EFEMP1: variants seen among roughly 807,000 people sequenced by gnomAD.
EFEMP1 encodes EGF-containing fibulin-like extracellular matrix protein 1.
Under a neutral mutation model 65.7 loss-of-function variants are expected in EFEMP1, and 18 were observed. The ratio of observed to expected loss-of-function variants is 0.27; its 90% CI spans 0.19 to 0.41. The LOEUF (loss-of-function observed/expected upper bound fraction) is 0.41. Among genes scored for constraint, EFEMP1 ranks in the 10% least tolerant of loss-of-function variants. The pLI, the probability that EFEMP1 is intolerant of heterozygous loss-of-function variation, is 1.00. For missense variants in EFEMP1, 469 were observed against 624.8 expected (o/e 0.75, Z 2.66); for synonymous variants, 237 against 219.7 (o/e 1.08, Z -0.70).
chr2:55,900,079 G>C (rs552738974), intron 5 of EFEMP1, among the ~76,000 whole-genome samples: 1 of 152,290 alleles, frequency 6.6e-6, no homozygotes, highest in African/African-American at 2.4e-5. Context: ...GTTAAGTTCA[G>C]AAACCTACAA....
chr2:55,907,255 A>G (rs967481681), intron 5 of EFEMP1, among the ~76,000 whole-genome samples: 1 of 152,226 alleles, frequency 6.6e-6, no homozygotes, highest in African/African-American at 2.4e-5. Context: ...ATGTTTGTAC[A>G]TATGCATGTG....
intron 5 of EFEMP1, among the ~76,000 whole-genome samples, chr2:55,916,000 T>G: frequency 6.6e-6 from 1 of 152,082 alleles, no homozygotes; most frequent in African/African-American, 2.4e-5. Context: ...ATGCACCCTC[T>G]GAAAAGTGAC....
rs1312038218 is a variant in EFEMP1 at position 55,909,044 on chromosome 2, G to A, written c.517+8621C>T. Among the ~76,000 whole-genome samples the A allele has an allele frequency of 2.6e-5, 4 of 152,114 alleles. No individual in the cohort carries two copies. In the South Asian group the frequency reaches 8.3e-4, roughly 32 times the overall value. ...TCAAGTAGCATAAGCTTAAAACGGG[G>A]ACAAGGTATCTGAGACCTCCATGTT... On this transcript the variant is annotated intron_variant, in intron 5 of 11. Coordinates refer to ENST00000355426, the MANE Select transcript of EFEMP1 (RefSeq NM_001039348.3).
At chr2:55,900,497 G>C (rs1669990978) in intron 5 of EFEMP1, among the ~76,000 whole-genome samples, 2 of 152,174 alleles carry the variant, frequency 1.3e-5, no homozygotes, top group South Asian at 4.1e-4. Flanking sequence ...ATCTGGGGGA[G>C]AGTAAACTAA....
chr2:55,908,862 T>C (rs1480191695), intron 5 of EFEMP1, among the ~76,000 whole-genome samples: 1 of 152,168 alleles, frequency 6.6e-6, no homozygotes, highest in African/African-American at 2.4e-5. Context: ...CAGAAATGCA[T>C]TCCCTGGTTA....
At position 55,919,230 on chromosome 2, in the gene EFEMP1, A is replaced by G. The variant is rs954209997; in HGVS notation, c.82-963T>C. ...AGGTGGAGGATGAGGTTACAGAGGT[A>G]GGCAGGGCCAAAACAAGAAAGCCTT... On this transcript the variant is annotated intron_variant, in intron 3 of 11. Coordinates refer to ENST00000355426, the MANE Select transcript of EFEMP1 (RefSeq NM_001039348.3). The surrounding 1 kb of genome is among the most constrained non-coding windows in gnomAD (Gnocchi z 4.5). Among the ~76,000 whole-genome samples, 4 of 152,232 alleles carry G rather than the reference A, an allele frequency of 2.6e-5. No homozygotes were observed. The highest frequency in any genetic ancestry group is 9.6e-5 in the African/African-American group (4 of 41,464).
Position 55,878,356 on chromosome 2 carries a change from G to A in EFEMP1, c.641-491C>T, listed in dbSNP as rs543412345. Among the ~76,000 whole-genome samples the A allele has an allele frequency of 3.5e-4, 53 of 152,224 alleles. 1 individual carries two copies. The highest frequency in any genetic ancestry group is 8.4e-4 in the African/African-American group (35 of 41,550). The stretch of plus-strand genomic sequence containing the variant: ...AGGCTTGCCATGTGTATCTTAGGAC[G>A]TTTTTGTGTATCAAATAAAAGAACA... On this transcript the variant is annotated intron_variant, in intron 6 of 11. Coordinates refer to ENST00000355426, the MANE Select transcript of EFEMP1 (RefSeq NM_001039348.3).
intron 9 of EFEMP1, among the ~76,000 whole-genome samples, chr2:55,872,940 T>G (rs1252417681): frequency 6.6e-6 from 1 of 152,054 alleles, no homozygotes; most frequent in Non-Finnish European, 1.5e-5. Context: ...CTTCCATTAA[T>G]GTAGAGCCTA....
At chr2:55,897,914 T>C (rs1669889298) in intron 5 of EFEMP1, among the ~76,000 whole-genome samples, 1 of 152,200 alleles carries the variant, frequency 6.6e-6, no homozygotes, top group Non-Finnish European at 1.5e-5. Context: ...TGCCTCCTGC[T>C]ATAATTTCCA....
In EFEMP1 at chr2:55,872,113, T is replaced by A. The variant is rs569780650; in HGVS notation, c.1001-990A>T. On this transcript the variant is annotated intron_variant, in intron 9 of 11. Transcript: ENST00000355426. ...AATAAAAATAAAATTAATATCTACA[T>A]CTCTATGTCTGTCTCCCTTTACATT... 3.9e-5 allele frequency among the ~76,000 whole-genome samples: 6 copies of A among 152,238 alleles called. No individual in the cohort carries two copies. The South Asian group carries it at 1.2e-3, about 32-fold the overall frequency.
rs1668800541 is a variant in EFEMP1, at chr2:55,871,313, T to C, written c.1001-190A>G. Among the ~76,000 whole-genome samples the C allele has an allele frequency of 6.6e-6, 1 of 152,100 alleles. No individual in the cohort carries two copies. Among genetic ancestry groups the C allele is most frequent in the African/African-American group, 2.4e-5 (1 of 41,428 alleles). ...CAGGACAGACAGAGCTGAGACATTC[T>C]AGGCAGATTAATATGTGTCATTTCA... On this transcript the variant is annotated intron_variant, in intron 9 of 11. Transcript: ENST00000355426. This position sits in a 1 kb window ranked among gnomAD's most constrained non-coding sequence, Gnocchi z 4.2.
At chr2:55,899,888 G>C (rs1339043499) in intron 5 of EFEMP1, among the ~76,000 whole-genome samples, 2 of 152,134 alleles carry the variant, frequency 1.3e-5, no homozygotes, top group East Asian at 3.8e-4. Flanking sequence ...ACAATTTCTG[G>C]GGGGGAAGTC....
chr2:55,902,949 TTCTC>T (rs984395436), intron 5 of EFEMP1, among the ~76,000 whole-genome samples: 11 of 152,258 alleles, frequency 7.2e-5, no homozygotes, highest in African/African-American at 2.2e-4. Context: ...TGCACTCATT[TTCTC>T]TCTGTCTCTT....
At chr2:55,899,618 A>G (rs1369474306) in intron 5 of EFEMP1, among the ~76,000 whole-genome samples, 1 of 152,202 alleles carries the variant, frequency 6.6e-6, no homozygotes, top group African/African-American at 2.4e-5. Flanking sequence ...TGGTCTAGCA[A>G]GAATTGACCA....
Position 55,905,967 on chromosome 2 carries a change from T to C in EFEMP1, c.517+11698A>G, listed in dbSNP as rs188916244. On this transcript the variant is annotated intron_variant, in intron 5 of 11. Transcript: ENST00000355426. ...TTTTCTGCTTAAACTGAAAAATCAA[T>C]GAAAATATTTTTCAGTTTACTTAGA... Among the ~76,000 whole-genome samples the C allele has an allele frequency of 2.6e-3, 398 of 152,334 alleles. 3 individuals are homozygous for C. Among genetic ancestry groups the C allele is most frequent in the Non-Finnish European group, 3.0e-3 (201 of 68,018 alleles).
chr2:55,913,891 T>A (rs1670577924), intron 5 of EFEMP1, among the ~76,000 whole-genome samples: 1 of 152,048 alleles, frequency 6.6e-6, no homozygotes, highest in South Asian at 2.1e-4. Flanking sequence ...ACGCCTGTAG[T>A]CACAGCTACT....
At chr2:55,891,296 G>A (rs893118229) in intron 5 of EFEMP1, among the ~76,000 whole-genome samples, 1 of 152,078 alleles carries the variant, frequency 6.6e-6, no homozygotes, top group African/African-American at 2.4e-5. Flanking sequence ...GCAGGAGGTG[G>A]GGGATTTGAC....
Position 55,922,973 on chromosome 2 carries a change from C to T in EFEMP1, c.-48-34G>A. On this transcript the variant is annotated intron_variant, in intron 1 of 11. Coordinates refer to ENST00000355426, the MANE Select transcript of EFEMP1 (RefSeq NM_001039348.3). This position sits in a 1 kb window ranked among gnomAD's most constrained non-coding sequence, Gnocchi z 5.5. ...CAATATGAATTGCCTTGGCCTCAAG[C>T]TTTTTATTTTTTAAACAAAATAACA... The T allele has an allele frequency of 2.0e-6, 2 of 1,003,330 alleles. No homozygotes were observed. Among genetic ancestry groups the T allele is most frequent in the Non-Finnish European group, 2.4e-6 (2 of 839,706 alleles). 62.2% of individuals were successfully genotyped at this position (1,003,330 alleles called of 1,614,324 possible).
rs147448993 is a variant in EFEMP1, at chr2:55,867,205, C to A, written c.1350G>T (p.Val450=). The A allele has an allele frequency of 1.2e-6, 2 of 1,613,920 alleles. No homozygotes were observed. The highest frequency in any genetic ancestry group is 2.7e-5 in the African/African-American group (2 of 75,036). The change falls in exon 12 of 12, where the codon GTG becomes GTT. Residue 450 remains valine, a synonymous_variant. Coordinates refer to ENST00000355426, the MANE Select transcript of EFEMP1 (RefSeq NM_001039348.3). The surrounding 1 kb of genome is among the most constrained non-coding windows in gnomAD (Gnocchi z 4.3). ...TTGGTCCTGATAATGACTTCACGAG[C>A]ACAAGCATTGCACTTACAGGACTTG... ...RQTSPVSAML[V]LVKSLSGPRE...
Sources: allele counts gnomAD v4.1 joint callset (sites outside exome capture counted in the v4.1 genomes callset), GRCh38; gene constraint gnomAD v4.1.1; non-coding constraint Gnocchi (gnomAD v3.1); transcripts MANE v1.5; gene names NCBI Gene and HGNC (gene_info 2026-07-23, HGNC 2026-07-21).